PCDHGB7: variants seen among roughly 807,000 people sequenced by gnomAD.
PCDHGB7 encodes the protein protocadherin gamma-B7.
In PCDHGB7, 37 loss-of-function variants were observed where a neutral mutation model predicts 61.4. The ratio of observed to expected loss-of-function variants is 0.60; its 90% confidence interval spans 0.46 to 0.79. PCDHGB7 has a LOEUF of 0.79. Ranked by LOEUF, PCDHGB7 falls within the 30% of genes least tolerant of loss-of-function variation. PCDHGB7 has a pLI of 0.00. For synonymous variants in PCDHGB7, 464 were observed against 503.5 expected (o/e 0.92, Z 1.05); for missense variants, 1,166 against 1,202.5 (o/e 0.97, Z 0.45).
At chr5:141,475,983 C>T in intron 1 of PCDHGB7, 2 of 1,049,240 alleles carry the variant, frequency 1.9e-6, no homozygotes, top group Non-Finnish European at 2.8e-6. Context: ...GAACAGCCGG[C>T]GAGCAAATCA....
chr5:141,462,597 T>C (rs182073985), intron 1 of PCDHGB7, among the ~76,000 whole-genome samples: 1 of 152,320 alleles, frequency 6.6e-6, no homozygotes, highest in East Asian at 1.9e-4. Context: ...TTCCATTTCA[T>C]ATATTGTATT....
In PCDHGB7 at chr5:141,498,877, G is replaced by A. The variant is rs886444261; in HGVS notation, c.2474+4012G>A. ...GAACCCAGGAGGCGGAGGTTGCAGTGAGCTGAGATCACACCACTGCACTCC... is the reference window on the plus strand; with the variant it reads ...GAACCCAGGAGGCGGAGGTTGCAGTAAGCTGAGATCACACCACTGCACTCC... On this transcript the variant is annotated intron_variant, in intron 2 of 3. Coordinates refer to ENST00000398594, the MANE Select transcript of PCDHGB7 (RefSeq NM_018927.4). Among the ~76,000 whole-genome samples, 8 of 149,816 alleles carry A rather than the reference G, an allele frequency of 5.3e-5. No individual in the cohort carries two copies. In the East Asian group the frequency reaches 1.4e-3, roughly 26 times the overall value.
rs115990854 is a variant in PCDHGB7 at position 141,433,033 on chromosome 5, C to T, written c.2415+12759C>T. On this transcript the variant is annotated intron_variant, in intron 1 of 3. Coordinates refer to ENST00000398594, the MANE Select transcript of PCDHGB7 (RefSeq NM_018927.4). ...TGCAGACCTATTCCCACGAGGTTTC[C>T]CTCACCACGGACTCGCGGAAGAGTC... The T allele has an allele frequency of 6.4e-3, 10,342 of 1,614,162 alleles. 43 individuals are homozygous for T. The highest frequency in any genetic ancestry group is 8.6e-3 in the Middle Eastern group (52 of 6,062).
At chr5:141,483,757 C>T (rs895694800) in intron 1 of PCDHGB7, among the ~76,000 whole-genome samples, 1 of 151,984 alleles carries the variant, frequency 6.6e-6, no homozygotes, top group Non-Finnish European at 1.5e-5. Flanking sequence ...AGGATCGAGG[C>T]TTGGAAAAAT....
chr5:141,418,430 T>G lies in PCDHGB7; in HGVS notation c.571T>G (p.Tyr191Asp), dbSNP rs1331082135. Reference protein sequence around the residue: ...VEKDNPDGGKYPELVLQKTLD... With the variant: ...VEKDNPDGGKDPELVLQKTLD... ...GAAAGACAATCCTGATGGTGGCAAATATCCAGAATTAGTATTGCAGAAGAC... is the reference window on the plus strand; with the variant it reads ...GAAAGACAATCCTGATGGTGGCAAAGATCCAGAATTAGTATTGCAGAAGAC... The change falls in exon 1 of 4, where the codon TAT becomes GAT. Residue 191 changes from tyrosine to aspartate, a missense_variant. Transcript: ENST00000398594. 1 of 1,613,908 alleles carries G rather than the reference T, an allele frequency of 6.2e-7. No individual in the cohort carries two copies. The highest frequency in any genetic ancestry group is 1.1e-5 in the South Asian group (1 of 91,086).
chr5:141,456,275 G>A (rs1234663731), intron 1 of PCDHGB7, among the ~76,000 whole-genome samples: 1 of 152,142 alleles, frequency 6.6e-6, no homozygotes, highest in Non-Finnish European at 1.5e-5. Flanking sequence ...GCTACTTCCT[G>A]CTGAAAAGGG....
rs1203060261 is a variant in PCDHGB7, at chr5:141,493,037, AG to A, written c.2416-1768del. 3.3e-5 allele frequency among the ~76,000 whole-genome samples: 5 copies of A among 152,252 alleles called. No individual in the cohort carries two copies. The highest frequency in any genetic ancestry group is 2.6e-4 in the Admixed American group (4 of 15,290). ...AGATGCCAGGGTGCCCTTATGTGTG[AG>A]GAAACTACAATAGTAAAAAACACAA... is the stretch of plus-strand genomic sequence containing the variant. On this transcript the variant is annotated intron_variant, in intron 1 of 3. Transcript: ENST00000398594. This position sits in a 1 kb window ranked among gnomAD's most constrained non-coding sequence, Gnocchi z 4.3.
At chr5:141,446,831 T>C (rs1237079019) in intron 1 of PCDHGB7, among the ~76,000 whole-genome samples, 2 of 152,186 alleles carry the variant, frequency 1.3e-5, no homozygotes, top group East Asian at 3.9e-4. Context: ...TAGATCCTTA[T>C]AAGGCTGAGC....
At position 141,432,673 on chromosome 5, in the gene PCDHGB7, C is replaced by A. The variant is rs770930842; in HGVS notation, c.2415+12399C>A. 5 of 1,613,922 alleles carry A rather than the reference C, an allele frequency of 3.1e-6. No homozygotes were observed. Among genetic ancestry groups the A allele is most frequent in the Non-Finnish European group, 4.2e-6 (5 of 1,179,960 alleles). On this transcript the variant is annotated intron_variant, in intron 1 of 3. Coordinates refer to ENST00000398594, the MANE Select transcript of PCDHGB7 (RefSeq NM_018927.4). This position sits in a 1 kb window ranked among gnomAD's most constrained non-coding sequence, Gnocchi z 6.0. ...GAGCCCTGCTGGACAGAGACGCGCTCAAGCAGAGCCTCGTAGTGGCCGTCC... is the reference window on the plus strand; with the variant it reads ...GAGCCCTGCTGGACAGAGACGCGCTAAAGCAGAGCCTCGTAGTGGCCGTCC...
At chr5:141,497,203 G>C (rs750138875) in intron 2 of PCDHGB7, among the ~76,000 whole-genome samples, 3 of 91,718 alleles carry the variant, frequency 3.3e-5, no homozygotes, top group African/African-American at 2.8e-4. Flanking sequence ...AACAATGTGA[G>C]TGTAATGGGG....
At chr5:141,492,189 G>C (rs2099737936) in intron 1 of PCDHGB7, among the ~76,000 whole-genome samples, 1 of 152,204 alleles carries the variant, frequency 6.6e-6, no homozygotes, top group Non-Finnish European at 1.5e-5. Context: ...GCACCTGTCT[G>C]CGGGACTTAG....
Position 141,486,799 on chromosome 5 carries a change from C to A in PCDHGB7, c.2416-8008C>A. The A allele has an allele frequency of 6.2e-7, 1 of 1,614,220 alleles. No individual in the cohort carries two copies. Among genetic ancestry groups the A allele is most frequent in the African/African-American group, 1.3e-5 (1 of 75,060 alleles). ...AGGTGCAGGCCCGGGATCGGGGCAA[C>A]CCACCCCTTAGCAGCACTGTAACAG... On this transcript the variant is annotated intron_variant, in intron 1 of 3. Coordinates refer to ENST00000398594, the MANE Select transcript of PCDHGB7 (RefSeq NM_018927.4). This position sits in a 1 kb window ranked among gnomAD's most constrained non-coding sequence, Gnocchi z 5.0.
rs767291767 is a variant in PCDHGB7, at chr5:141,487,668, T to C, written c.2416-7139T>C. ...CTTGAGGGTTATTCTGATCCAGGCA[T>C]ATGGCTAGGCCATGTCCTAGAGAGT... is the stretch of plus-strand genomic sequence containing the variant. On this transcript the variant is annotated intron_variant, in intron 1 of 3. Transcript: ENST00000398594. The surrounding 1 kb of genome is among the most constrained non-coding windows in gnomAD (Gnocchi z 5.0). 1.9e-6 allele frequency: 3 copies of C among 1,612,658 alleles called. No homozygotes were observed. Among genetic ancestry groups the C allele is most frequent in the South Asian group, 1.1e-5 (1 of 90,650 alleles).
At chr5:141,444,059 T>C (rs2098415588) in intron 1 of PCDHGB7, among the ~76,000 whole-genome samples, 1 of 150,620 alleles carries the variant, frequency 6.6e-6, no homozygotes, top group Admixed American at 6.6e-5. Flanking sequence ...ATCTTCAATC[T>C]AGATTCTGAT....
In PCDHGB7 at chr5:141,490,537, T is replaced by C; in HGVS notation, c.2416-4270T>C. On this transcript the variant is annotated intron_variant, in intron 1 of 3. Transcript: ENST00000398594. This position sits in a 1 kb window ranked among gnomAD's most constrained non-coding sequence, Gnocchi z 5.4. ...GCTGGCCAGCGATGCTGGTTCACCT[T>C]CCCTACACAAACATCTCACCATCAG... is the stretch of plus-strand genomic sequence containing the variant. 1.9e-6 allele frequency: 3 copies of C among 1,614,180 alleles called. No homozygotes were observed. The highest frequency in any genetic ancestry group is 8.5e-7 in the Non-Finnish European group (1 of 1,180,028).
chr5:141,427,956 C>T, intron 1 of PCDHGB7: 1 of 1,587,304 alleles, frequency 6.3e-7, no homozygotes, highest in African/African-American at 1.3e-5. Context: ...TGACAATGTG[C>T]CGCGGGTGCT....
chr5:141,421,864 C>T (rs1561797174), intron 1 of PCDHGB7: 2 of 1,613,766 alleles, frequency 1.2e-6, no homozygotes, highest in Non-Finnish European at 1.7e-6. Context: ...CCTGCTCCTC[C>T]TCACAGCTTT....
intron 1 of PCDHGB7, chr5:141,423,469 C>G: frequency 3.1e-6 from 5 of 1,613,948 alleles, no homozygotes; most frequent in Non-Finnish European, 4.2e-6. Flanking sequence ...GGACGGGGTA[C>G]AGGCTTTCCT....
chr5:141,487,162 G>T lies in PCDHGB7; in HGVS notation c.2416-7645G>T, dbSNP rs2099640627. 6.2e-7 allele frequency: 1 copy of T among 1,613,496 alleles called. No individual in the cohort carries two copies. Among genetic ancestry groups the T allele is most frequent in the African/African-American group, 1.3e-5 (1 of 75,026 alleles). On this transcript the variant is annotated intron_variant, in intron 1 of 3. Transcript: ENST00000398594. This position sits in a 1 kb window ranked among gnomAD's most constrained non-coding sequence, Gnocchi z 5.0. ...TCTCTACCTCTGTTACTCTCTTAGTGTCCTTAGAGGAAGACACTCATCCAG... is the reference window on the plus strand; with the variant it reads ...TCTCTACCTCTGTTACTCTCTTAGTTTCCTTAGAGGAAGACACTCATCCAG...
Sources: allele counts gnomAD v4.1 joint callset (sites outside exome capture counted in the v4.1 genomes callset), GRCh38; gene constraint gnomAD v4.1.1; non-coding constraint Gnocchi (gnomAD v3.1); transcripts MANE v1.5; gene names NCBI Gene and HGNC (gene_info 2026-07-23, HGNC 2026-07-21).